Variants in SYNGR2 observed in about 807,000 individuals in gnomAD.
SYNGR2 encodes the protein synaptogyrin-2.
In SYNGR2, 11 loss-of-function variants were observed where a neutral mutation model predicts 18.7. The observed-to-expected ratio is 0.59, with a 90% CI of 0.37 to 0.97. SYNGR2 has a LOEUF of 0.97. Among genes scored for constraint, SYNGR2 ranks in the 50% least tolerant of loss-of-function variants. The probability of loss-of-function intolerance (pLI) is 0.01; values close to 1 mark genes in which losing one functional copy is unlikely to be tolerated. For missense variants in SYNGR2, 253 were observed against 300.7 expected, an observed-to-expected ratio of 0.84 and a Z score of 1.17; for synonymous variants, 127 against 131.0, an observed-to-expected ratio of 0.97 and a Z score of 0.21.
chr17:78,171,783 GGAC>G lies in SYNGR2; in HGVS notation c.526_528del (p.Asp176del), dbSNP rs749217070. 3.1e-6 allele frequency: 5 copies of G among 1,613,936 alleles called. No homozygotes were observed. The highest frequency in any genetic ancestry group is 1.1e-5 in the South Asian group (1 of 91,072). On this transcript the variant is annotated inframe_deletion, in exon 4 of 4. Transcript: ENST00000225777. This position sits in a 1 kb window ranked among gnomAD's most constrained non-coding sequence, Gnocchi z 6.6. Reference sequence around the variant, plus strand: ...CCTACCAGCGCTACAAGGCTGGCGTGGACGACTTCATCCAGAATTACGTTGACC... The same window carrying G: ...CCTACCAGCGCTACAAGGCTGGCGTGGACTTCATCCAGAATTACGTTGACC...
chr17:78,168,854 A>G, intron 1 of SYNGR2, 139 bp downstream of exon 1: 2 of 696,996 alleles, frequency 2.9e-6, no homozygotes, highest in Non-Finnish European at 3.8e-6. Context: ...GCCGGCGTCC[A>G]GCGTCCCGGG....
chr17:78,170,096 G>C (rs895489278), intron 1 of SYNGR2: 5 of 152,510 alleles, frequency 3.3e-5, no homozygotes, highest in African/African-American at 1.2e-4. Flanking sequence ...AAGGTGACGG[G>C]GGATGGGTAG....
chr17:78,169,489 G>A (rs928310709), intron 1 of SYNGR2, among the ~76,000 whole-genome samples: 1 of 152,172 alleles, frequency 6.6e-6, no homozygotes. Context: ...CAGTGGGTCG[G>A]GATGGCAGTG....
At position 78,171,961 on chromosome 17, in the gene SYNGR2, A is replaced by G. The variant is rs1305321175; in HGVS notation, c.*25A>G. On this transcript the variant is annotated 3_prime_UTR_variant, in exon 4 of 4. Transcript: ENST00000225777. The surrounding 1 kb of genome is among the most constrained non-coding windows in gnomAD (Gnocchi z 6.6). ...AGCGGCGGTTAGCGTGGGAAGGGGG[A>G]CAGAGAGGGCCCTCCCCTCTGCCCT... 1.2e-6 allele frequency: 2 copies of G among 1,609,094 alleles called. No homozygotes were observed. The highest frequency in any genetic ancestry group is 4.5e-5 in the East Asian group (2 of 44,826).
At position 78,172,070 on chromosome 17, in the gene SYNGR2, C is replaced by T; in HGVS notation, c.*134C>T. 1 of 1,495,414 alleles carries T rather than the reference C, an allele frequency of 6.7e-7. No individual in the cohort carries two copies. The highest frequency in any genetic ancestry group is 1.3e-5 in the South Asian group (1 of 78,496). 92.6% of individuals were successfully genotyped at this position (1,495,414 alleles called of 1,614,324 possible). ...GTGCAGCTGACACACAGCTAAGGAG[C>T]CTCATAGCCTGGCGGGGGCTGGCAG... On this transcript the variant is annotated 3_prime_UTR_variant, in exon 4 of 4. Transcript: ENST00000225777.
At chr17:78,169,427 G>A (rs895009346) in intron 1 of SYNGR2, among the ~76,000 whole-genome samples, 1 of 152,182 alleles carries the variant, frequency 6.6e-6, no homozygotes, top group East Asian at 1.9e-4. Context: ...TCCCAGCCAG[G>A]CTGTGGGATC....
chr17:78,171,802 T>G lies in SYNGR2; in HGVS notation c.541T>G (p.Tyr181Asp). Residue 181 changes from tyrosine to aspartate, a missense_variant, in exon 4 of 4, where the codon TAC becomes GAC. Physicochemically the swap from Tyr to Asp is radical, Grantham distance 160 (BLOSUM62 -3). Transcript: ENST00000225777. The surrounding 1 kb of genome is among the most constrained non-coding windows in gnomAD (Gnocchi z 6.6). Reference sequence around the variant, plus strand: ...TGGCGTGGACGACTTCATCCAGAATTACGTTGACCCCACTCCGGACCCCAA... The same window carrying G: ...TGGCGTGGACGACTTCATCCAGAATGACGTTGACCCCACTCCGGACCCCAA... ...KAGVDDFIQNYVDPTPDPNTA... is the reference protein window; with the variant it reads ...KAGVDDFIQNDVDPTPDPNTA... 2 of 1,614,058 alleles carry G rather than the reference T, an allele frequency of 1.2e-6. No individual in the cohort carries two copies. Among genetic ancestry groups the G allele is most frequent in the Non-Finnish European group, 1.7e-6 (2 of 1,179,990 alleles).
chr17:78,172,350 G>A lies in SYNGR2; in HGVS notation c.*414G>A, dbSNP rs1256215486. On this transcript the variant is annotated 3_prime_UTR_variant, in exon 4 of 4. Coordinates refer to ENST00000225777, the MANE Select transcript of SYNGR2 (RefSeq NM_004710.7). ...AAGACTCGTGGGGGCCATCACACCT[G>A]CCCTGTGCAGCGGAGCCGGACCAGG... is the stretch of plus-strand genomic sequence containing the variant. 6 of 359,730 alleles carry A rather than the reference G, an allele frequency of 1.7e-5. No homozygotes were observed. Among genetic ancestry groups the A allele is most frequent in the Non-Finnish European group, 3.1e-5 (6 of 196,550 alleles). 22.3% of individuals were successfully genotyped at this position (359,730 alleles called of 1,614,324 possible).
Position 78,171,470 on chromosome 17 carries a change from C to A in SYNGR2, c.338-40C>A. The A allele has an allele frequency of 6.6e-7, 1 of 1,512,468 alleles. No homozygotes were observed. Among genetic ancestry groups the A allele is most frequent in the South Asian group, 1.4e-5 (1 of 73,920 alleles). 93.7% of individuals were successfully genotyped at this position (1,512,468 alleles called of 1,614,324 possible). A position where few individuals can be genotyped will look rare whatever the true frequency, so the allele number is the denominator to read the frequency against. ...CCTCCCAGAGTCCTGGAAAGCCCCT[C>A]CCTTTCCATGGAACTGACGCTTCAC... On this transcript the variant is annotated intron_variant, in intron 2 of 3. Coordinates refer to ENST00000225777, the MANE Select transcript of SYNGR2 (RefSeq NM_004710.7). The surrounding 1 kb of genome is among the most constrained non-coding windows in gnomAD (Gnocchi z 6.6).
intron 1 of SYNGR2, 51 bp from the exon 2 acceptor site, chr17:78,170,766 G>A (rs2075651645): frequency 3.3e-6 from 5 of 1,512,556 alleles, no homozygotes; most frequent in South Asian, 2.3e-5. Flanking sequence ...TCCCCGCTGT[G>A]TGTGCCCCTC....
At position 78,171,500 on chromosome 17, in the gene SYNGR2, C is replaced by T. The variant is rs562181856; in HGVS notation, c.338-10C>T. 2 of 1,515,382 alleles carry T rather than the reference C, an allele frequency of 1.3e-6. No individual in the cohort carries two copies. The highest frequency in any genetic ancestry group is 1.8e-4 in the Middle Eastern group (1 of 5,588). The allele number at this position is 1,515,382 out of a possible 1,614,324, so 93.9% of individuals were successfully genotyped here. A position where few individuals can be genotyped will look rare whatever the true frequency, so the allele number is the denominator to read the frequency against. The stretch of plus-strand genomic sequence containing the variant: ...TCCATGGAACTGACGCTTCACCCGT[C>T]CTCCCCCAGCTCTCTGGACCTTCCT... On this transcript the variant is annotated splice_polypyrimidine_tract_variant and intron_variant, in intron 2 of 3. Coordinates refer to ENST00000225777, the MANE Select transcript of SYNGR2 (RefSeq NM_004710.7). The surrounding 1 kb of genome is among the most constrained non-coding windows in gnomAD (Gnocchi z 6.6).
rs1460913605 is a variant in SYNGR2, at chr17:78,172,667, G to A, written c.*731G>A. On this transcript the variant is annotated 3_prime_UTR_variant, in exon 4 of 4. Coordinates refer to ENST00000225777, the MANE Select transcript of SYNGR2 (RefSeq NM_004710.7). The stretch of plus-strand genomic sequence containing the variant: ...CCGAGTGTATTATAAAATCGTGGGG[G>A]AGATGCCCGGCCTGGGATGCTGTTT... 6.6e-6 allele frequency: 1 copy of A among 152,356 alleles called. No individual in the cohort carries two copies. The highest frequency in any genetic ancestry group is 2.4e-5 in the African/African-American group (1 of 41,470). The allele number at this position is 152,356 out of a possible 1,614,324, so 9.4% of individuals were successfully genotyped here.
rs1366803847 is a variant in SYNGR2 at position 78,168,865 on chromosome 17, C to A, written c.99+150C>A. On this transcript the variant is annotated intron_variant, in intron 1 of 3. Coordinates refer to ENST00000225777, the MANE Select transcript of SYNGR2 (RefSeq NM_004710.7). ...CGGGGCCGGCGTCCAGCGTCCCGGG[C>A]CCCGCCTTCCCGCCCTCCACAGTCT... 11 of 595,600 alleles carry A rather than the reference C, an allele frequency of 1.8e-5. No individual in the cohort carries two copies. The East Asian group carries it at 5.0e-4, about 27-fold the overall frequency. The allele number at this position is 595,600 out of a possible 1,614,324, so 36.9% of individuals were successfully genotyped here.
chr17:78,171,742 G>T lies in SYNGR2; in HGVS notation c.481G>T (p.Val161Leu). 1 of 1,614,102 alleles carries T rather than the reference G, an allele frequency of 6.2e-7. No individual in the cohort carries two copies. The highest frequency in any genetic ancestry group is 8.5e-7 in the Non-Finnish European group (1 of 1,179,992). Residue 161 changes from valine to leucine, a missense_variant, in exon 4 of 4, where the codon GTG (valine) becomes TTG (leucine). Transcript: ENST00000225777. The surrounding 1 kb of genome is among the most constrained non-coding windows in gnomAD (Gnocchi z 6.6). The stretch of plus-strand genomic sequence containing the variant: ...CCCTGCTGTGCTCCCCCTGCAGGGT[G>T]TGCTGGCCTCCCTGGCCTACCAGCG... The part of the protein sequence containing the change: ...FSFFSIFSWG[V>L]LASLAYQRYK...
chr17:78,172,367 C>G lies in SYNGR2; in HGVS notation c.*431C>G. The G allele has an allele frequency of 3.3e-6, 1 of 299,268 alleles. No individual in the cohort carries two copies. The highest frequency in any genetic ancestry group is 6.2e-6 in the Non-Finnish European group (1 of 160,182). 18.5% of individuals were successfully genotyped at this position (299,268 alleles called of 1,614,324 possible). ...TCACACCTGCCCTGTGCAGCGGAGC[C>G]GGACCAGGCTCTTGTGTCCTCACTC... On this transcript the variant is annotated 3_prime_UTR_variant, in exon 4 of 4. Coordinates refer to ENST00000225777, the MANE Select transcript of SYNGR2 (RefSeq NM_004710.7).
Position 78,171,616 on chromosome 17 carries a change from C to T in SYNGR2, c.444C>T (p.Ala148=), listed in dbSNP as rs1489059106. 2 of 1,583,026 alleles carry T rather than the reference C, an allele frequency of 1.3e-6. No homozygotes were observed. Among genetic ancestry groups the T allele is most frequent in the Non-Finnish European group, 1.7e-6 (2 of 1,161,160 alleles). Residue 148 remains alanine, a synonymous_variant, in exon 3 of 4, where the codon GCC becomes GCT. Transcript: ENST00000225777. The surrounding 1 kb of genome is among the most constrained non-coding windows in gnomAD (Gnocchi z 6.6). The part of the protein sequence containing the change: ...VLVGADSVRA[A]ITFSFFSIFS... ...TGGGGGCCGACTCTGTGAGGGCAGC[C>T]ATCACCTTCAGCTTCTTTTCCATCT...
At chr17:78,169,488 G>A (rs1275596932) in intron 1 of SYNGR2, among the ~76,000 whole-genome samples, 2 of 152,158 alleles carry the variant, frequency 1.3e-5, no homozygotes, top group Non-Finnish European at 2.9e-5. Flanking sequence ...CCAGTGGGTC[G>A]GGATGGCAGT....
In SYNGR2 at chr17:78,171,516, G is replaced by A. The variant is rs1355277283; in HGVS notation, c.344G>A (p.Trp115Ter). The A allele has an allele frequency of 6.6e-7, 1 of 1,522,596 alleles. No homozygotes were observed. Among genetic ancestry groups the A allele is most frequent in the Non-Finnish European group, 8.8e-7 (1 of 1,136,042 alleles). 94.3% of individuals were successfully genotyped at this position (1,522,596 alleles called of 1,614,324 possible). Reference sequence around the variant, plus strand: ...TTCACCCGTCCTCCCCCAGCTCTCTGGACCTTCCTGTGGTTTGTTGGTTTC... The same window carrying A: ...TTCACCCGTCCTCCCCCAGCTCTCTAGACCTTCCTGTGGTTTGTTGGTTTC... ...VIGDLLFSAL[W>*]TFLWFVGFCF... The change falls in exon 3 of 4, where the codon TGG (tryptophan) becomes TAG (stop). Residue 115 changes from tryptophan (W) to a stop codon, truncating the protein, a stop_gained. Coordinates refer to ENST00000225777, the MANE Select transcript of SYNGR2 (RefSeq NM_004710.7). LOFTEE classifies it high-confidence loss of function. This position sits in a 1 kb window ranked among gnomAD's most constrained non-coding sequence, Gnocchi z 6.6.
Position 78,172,367 on chromosome 17 carries a change from C to T in SYNGR2, c.*431C>T, listed in dbSNP as rs573916244. On this transcript the variant is annotated 3_prime_UTR_variant, in exon 4 of 4. Coordinates refer to ENST00000225777, the MANE Select transcript of SYNGR2 (RefSeq NM_004710.7). Reference sequence around the variant, plus strand: ...TCACACCTGCCCTGTGCAGCGGAGCCGGACCAGGCTCTTGTGTCCTCACTC... The same window carrying T: ...TCACACCTGCCCTGTGCAGCGGAGCTGGACCAGGCTCTTGTGTCCTCACTC... 2.3e-5 allele frequency: 7 copies of T among 299,268 alleles called. No homozygotes were observed. The highest frequency in any genetic ancestry group is 6.2e-5 in the East Asian group (1 of 16,006). The allele number at this position is 299,268 out of a possible 1,614,324, so 18.5% of individuals were successfully genotyped here. A position where few individuals can be genotyped will look rare whatever the true frequency, so the allele number is the denominator to read the frequency against.
Sources: allele counts gnomAD v4.1 joint callset (sites outside exome capture counted in the v4.1 genomes callset), GRCh38; gene constraint gnomAD v4.1.1; non-coding constraint Gnocchi (gnomAD v3.1); transcripts MANE v1.5; gene names NCBI Gene and HGNC (gene_info 2026-07-23, HGNC 2026-07-21).